The following BOD1L1 variants were observed in gnomAD, a reference collection of about 807,000 sequenced individuals.
The protein encoded by BOD1L1 is biorientation of chromosomes in cell division protein 1-like 1.
BOD1L1 carries 86 observed loss-of-function variants against 240.7 expected under a neutral mutation model. The observed-to-expected ratio is 0.36, with a 90% CI of 0.30 to 0.43. The LOEUF is 0.43. BOD1L1 is among the 20% of genes least tolerant of loss of function. The pLI is 1.00. For missense variants in BOD1L1, 3,554 were observed against 3,643.5 expected, an observed-to-expected ratio of 0.98 and a Z score of 0.63; for synonymous variants, 1,268 against 1,272.3, an observed-to-expected ratio of 1.00 and a Z score of 0.07.
chr4:13,599,313 T>C lies in BOD1L1; in HGVS notation c.7587A>G (p.Val2529=). 1 of 1,613,840 alleles carries C rather than the reference T, an allele frequency of 6.2e-7. No individual in the cohort carries two copies. Among genetic ancestry groups the C allele is most frequent in the Non-Finnish European group, 8.5e-7 (1 of 1,179,832 alleles). The change falls in exon 10 of 26, where the codon GTA becomes GTG. Residue 2529 remains valine, a synonymous_variant. Transcript: ENST00000040738. ...PSVSIRYLAA[V]NTGAIKADDM... ...CATCAGCTTTTATAGCACCGGTGTT[T>C]ACTGCTGCCAAATAGCGAATGCTGA...
intron 8 of BOD1L1, 64 bp downstream of exon 8, chr4:13,608,466 T>C (rs1384387792): frequency 4.8e-5 from 65 of 1,351,828 alleles, no homozygotes; most frequent in Non-Finnish European, 6.1e-5. Context: ...TCACTTCAAT[T>C]CCTCTCTTCT....
At chr4:13,598,836 T>C (rs1209933851) in intron 10 of BOD1L1, 110 bp downstream of exon 10, 1 of 1,168,800 alleles carries the variant, frequency 8.6e-7, no homozygotes, top group Non-Finnish European at 1.2e-6. Context: ...TTTATAGATA[T>C]TTTATCTTTC....
Position 13,582,674 on chromosome 4 carries a change from G to C in BOD1L1, c.8496C>G (p.Thr2832=), listed in dbSNP as rs759106424. 2.6e-5 allele frequency: 42 copies of C among 1,612,280 alleles called. No individual in the cohort carries two copies. Among genetic ancestry groups the C allele is most frequent in the Non-Finnish European group, 3.5e-5 (41 of 1,178,490 alleles). ...PKTSSETNST[T]SRVMEEKDEY... is the part of the protein sequence containing the mutation. ...CACCTTTTTCTTCCATGACCCTTGA[G>C]GTAGTGCTATTTGTCTCAGAACTGG... Residue 2832 remains threonine (T), a synonymous_variant, in exon 18 of 26, where the codon ACC becomes ACG. Transcript: ENST00000040738.
intron 6 of BOD1L1, among the ~76,000 whole-genome samples, chr4:13,610,641 C>G (rs1249847586): frequency 1.3e-5 from 2 of 152,192 alleles, no homozygotes; most frequent in Non-Finnish European, 2.9e-5. Context: ...CATTCCATCC[C>G]TAAGATTTGT....
Position 13,599,505 on chromosome 4 carries a change from C to T in BOD1L1, c.7395G>A (p.Leu2465=). The change falls in exon 10 of 26, where the codon TTG becomes TTA. Residue 2465 remains leucine, a synonymous_variant. Transcript: ENST00000040738. ...TATCTTCTTTCTGAAGGGAGTTCAA[C>T]AATACATTCTTCTCTTCTGCATTTA... ...HLINAEEKNV[L]LNSLQKEDKS... 4.3e-6 allele frequency: 7 copies of T among 1,614,048 alleles called. No homozygotes were observed. Among genetic ancestry groups the T allele is most frequent in the Non-Finnish European group, 5.9e-6 (7 of 1,179,902 alleles).
rs149207508 is a variant in BOD1L1 at position 13,601,977 on chromosome 4, A to G, written c.4923T>C (p.Asn1641=). The G allele has an allele frequency of 4.3e-6, 7 of 1,613,812 alleles. No homozygotes were observed. The highest frequency in any genetic ancestry group is 1.1e-5 in the South Asian group (1 of 91,082). The change falls in exon 10 of 26, where the codon AAT becomes AAC. Residue 1641 remains asparagine, a synonymous_variant. Coordinates refer to ENST00000040738, the MANE Select transcript of BOD1L1 (RefSeq NM_148894.3). ...LAVHAVKIEA[N]VNSVVTEEKD... ...TTTCCTCTGTCACAACGCTATTTAC[A>G]TTGGCTTCGATTTTAACTGCATGCA...
Position 13,600,067 on chromosome 4 carries a change from T to A in BOD1L1, c.6833A>T (p.Asp2278Val). ...VSSAVPQEEG[D>V]PSVTPAEEMG... is the part of the protein sequence containing the mutation. ...CTCTTCCGCTGGTGTGACTGAGGGG[T>A]CGCCTTCCTCTTGAGGGACAGCACT... is the stretch of plus-strand genomic sequence containing the variant. Residue 2278 changes from aspartate to valine, a missense_variant, in exon 10 of 26, where the codon GAC (aspartate) becomes GTC (valine). By Grantham distance (152) the Asp-to-Val change is radical. This residue lies in a region of BOD1L1 where 3,393 missense variants were observed against 3,427.1 expected (regional missense o/e 0.99). Transcript: ENST00000040738. 1 of 1,612,244 alleles carries A rather than the reference T, an allele frequency of 6.2e-7. No individual in the cohort carries two copies. The highest frequency in any genetic ancestry group is 1.1e-5 in the South Asian group (1 of 90,810).
intron 15 of BOD1L1, 77 bp from the exon 16 acceptor site, chr4:13,587,848 G>T: frequency 1.0e-6 from 1 of 968,222 alleles, no homozygotes; most frequent in Non-Finnish European, 1.6e-6. Context: ...CACTGTACTA[G>T]ATTCTAACCT....
chr4:13,604,084 G>A lies in BOD1L1; in HGVS notation c.2816C>T (p.Pro939Leu), dbSNP rs1180068187. The A allele has an allele frequency of 6.2e-7, 1 of 1,613,716 alleles. No homozygotes were observed. The highest frequency in any genetic ancestry group is 1.3e-5 in the African/African-American group (1 of 75,024). ...TGTGTTCTTCTCCTTGTCTGGTTTTGGAGTGGTTGCCTGTTTTGTGGCACC... is the reference window on the plus strand; with the variant it reads ...TGTGTTCTTCTCCTTGTCTGGTTTTAGAGTGGTTGCCTGTTTTGTGGCACC... Reference protein sequence around the residue: ...QEGATKQATTPKPDKEKNTEE... With the variant: ...QEGATKQATTLKPDKEKNTEE... The change falls in exon 10 of 26, where the codon CCA becomes CTA. Residue 939 changes from proline to leucine, a missense_variant. Transcript: ENST00000040738.
At position 13,605,097 on chromosome 4, in the gene BOD1L1, A is replaced by G. The variant is rs1323177967; in HGVS notation, c.1816-13T>C. 1.3e-6 allele frequency: 2 copies of G among 1,510,212 alleles called. No individual in the cohort carries two copies. Among genetic ancestry groups the G allele is most frequent in the Non-Finnish European group, 1.8e-6 (2 of 1,135,104 alleles). The allele number at this position is 1,510,212 out of a possible 1,614,324, so 93.6% of individuals were successfully genotyped here. ...CCTTTTCACAATGCTGAAAGAAAAC[A>G]AAGGTTAAAATATGAGAAATACCAA... is the stretch of plus-strand genomic sequence containing the variant. On this transcript the variant is annotated splice_polypyrimidine_tract_variant and intron_variant, in intron 9 of 25. Transcript: ENST00000040738.
At chr4:13,625,188 A>G (rs996481823) in intron 1 of BOD1L1, 5 of 152,206 alleles carry the variant, frequency 3.3e-5, no homozygotes, top group African/African-American at 1.2e-4. Context: ...TAACAATATC[A>G]TTCAATTCTT....
rs141076049 is a variant in BOD1L1 at position 13,574,865 on chromosome 4, A to C, written c.9038+1973T>G. On this transcript the variant is annotated intron_variant, in intron 25 of 25. Transcript: ENST00000040738. ...TCAAACCATGGCACAAATGGCTAAT[A>C]CTGTGTTAAGTCTGGAGGAATTAGA... 4.4e-3 allele frequency among the ~76,000 whole-genome samples: 670 copies of C among 152,166 alleles called. 3 individuals are homozygous for C. The highest frequency in any genetic ancestry group is 4.3e-3 in the Non-Finnish European group (291 of 68,020).
intron 17 of BOD1L1, among the ~76,000 whole-genome samples, chr4:13,585,134 G>C (rs1160920235): frequency 6.6e-6 from 1 of 152,176 alleles, no homozygotes; most frequent in African/African-American, 2.4e-5. Context: ...GGACAGGGCA[G>C]GGTGAGGGAT....
chr4:13,616,600 G>A (rs1431155670), intron 2 of BOD1L1, among the ~76,000 whole-genome samples: 6 of 152,312 alleles, frequency 3.9e-5, no homozygotes, highest in East Asian at 1.9e-4. Context: ...CAAAGTGCTC[G>A]TCATTTTTAG....
rs1712019627 is a variant in BOD1L1 at position 13,569,483 on chromosome 4, T to G, written c.*528A>C. ...GCAGGCAGAGTCCTAAAAAATTTTC[T>G]ACTAATGACTGCATAGCATTTAAAA... On this transcript the variant is annotated 3_prime_UTR_variant, in exon 26 of 26. Coordinates refer to ENST00000040738, the MANE Select transcript of BOD1L1 (RefSeq NM_148894.3). 1 of 152,106 alleles carries G rather than the reference T, an allele frequency of 6.6e-6. No homozygotes were observed. The highest frequency in any genetic ancestry group is 2.4e-5 in the African/African-American group (1 of 41,398). 9.4% of individuals were successfully genotyped at this position (152,106 alleles called of 1,614,324 possible).
intron 17 of BOD1L1, among the ~76,000 whole-genome samples, chr4:13,583,748 T>C (rs978992216): frequency 6.6e-6 from 1 of 152,262 alleles, no homozygotes; most frequent in African/African-American, 2.4e-5. Flanking sequence ...ATATTATCTT[T>C]GTCTTATGGG....
intron 2 of BOD1L1, 51 bp from the exon 3 acceptor site, chr4:13,615,553 C>T: frequency 1.4e-6 from 2 of 1,449,940 alleles, no homozygotes; most frequent in Non-Finnish European, 1.9e-6. Flanking sequence ...ATATTATTTG[C>T]ATTAATTACT....
In BOD1L1 at chr4:13,590,510, GAAGA is replaced by G. The variant is rs1181595840; in HGVS notation, c.8149-68_8149-65del. On this transcript the variant is annotated intron_variant, in intron 13 of 25. Coordinates refer to ENST00000040738, the MANE Select transcript of BOD1L1 (RefSeq NM_148894.3). ...ACAAAAATTTAAAGGCAAAAAGAAAGAAGAGAGAAGGTAATTTACATAACCTGGC... is the reference window on the plus strand; with the variant it reads ...ACAAAAATTTAAAGGCAAAAAGAAAGGAGAAGGTAATTTACATAACCTGGC... 6.4e-6 allele frequency: 5 copies of G among 784,438 alleles called. No individual in the cohort carries two copies. The African/African-American group carries it at 7.3e-5, about 11-fold the overall frequency. The allele number at this position is 784,438 out of a possible 1,614,324, so 48.6% of individuals were successfully genotyped here. A position where few individuals can be genotyped will look rare whatever the true frequency, so the allele number is the denominator to read the frequency against.
chr4:13,602,856 T>C lies in BOD1L1; in HGVS notation c.4044A>G (p.Glu1348=). ...TTGCTGGTGTATCTACTGTGAAACC[T>C]TCACCACCTTCTTTGCTGTCACTTG... is the stretch of plus-strand genomic sequence containing the variant. ...LKTSDSKEGG[E]GFTVDTPAKA... Residue 1348 remains glutamate (E), a synonymous_variant, in exon 10 of 26, where the codon GAA becomes GAG. Transcript: ENST00000040738. 1 of 1,614,046 alleles carries C rather than the reference T, an allele frequency of 6.2e-7. No homozygotes were observed. The highest frequency in any genetic ancestry group is 1.1e-5 in the South Asian group (1 of 91,086).
Sources: gnomAD v4.1 joint callset for allele counts (sites outside exome capture counted in the v4.1 genomes callset) on GRCh38, gnomAD v4.1.1 for gene constraint, gnomAD v4.1.1 regional missense constraint, MANE v1.5 for transcripts, NCBI Gene and HGNC (gene_info 2026-07-23, HGNC 2026-07-21) for gene names.